The following SH3GL3 variants were observed in gnomAD, a reference collection of about 807,000 sequenced individuals.
The protein encoded by SH3GL3 is endophilin-A3.
A neutral mutation model predicts 47.7 loss-of-function variants in SH3GL3; 33 were observed. That is an observed-to-expected ratio of 0.69 (90% confidence interval 0.52 to 0.92). The LOEUF is 0.92. SH3GL3 is among the 40% of genes least tolerant of loss of function. The pLI is 0.00. For missense variants in SH3GL3, 363 were observed against 417.8 expected (o/e 0.87, Z 1.14); for synonymous variants, 155 against 148.8 (o/e 1.04, Z -0.30).
At chr15:83,499,820 A>G (rs2042224972) in intron 1 of SH3GL3, among the ~76,000 whole-genome samples, 1 of 152,240 alleles carries the variant, frequency 6.6e-6, no homozygotes, top group Admixed American at 6.5e-5. Context: ...CCTTAGAACA[A>G]ACAAATACAC....
chr15:83,515,914 A>G (rs57459550), intron 1 of SH3GL3, among the ~76,000 whole-genome samples: 2 of 152,260 alleles, frequency 1.3e-5, no homozygotes, highest in African/African-American at 2.4e-5. Context: ...CTGTAAAAAT[A>G]TCGTTATGTT....
At chr15:83,589,331 G>T (rs188788949) in intron 8 of SH3GL3, among the ~76,000 whole-genome samples, 1 of 152,156 alleles carries the variant, frequency 6.6e-6, no homozygotes, top group African/African-American at 2.4e-5. Flanking sequence ...ATCTATTGAG[G>T]TACATAAATA....
intron 1 of SH3GL3, among the ~76,000 whole-genome samples, chr15:83,551,289 A>G (rs2044656209): frequency 6.6e-6 from 1 of 152,216 alleles, no homozygotes; most frequent in Non-Finnish European, 1.5e-5. Context: ...TTTGCAGCAT[A>G]AATCTTCTTT....
At chr15:83,563,312 A>G (rs574303278) in intron 2 of SH3GL3, among the ~76,000 whole-genome samples, 245 of 151,702 alleles carry the variant, frequency 1.6e-3, no homozygotes, top group Non-Finnish European at 2.1e-3. Flanking sequence ...GTTGATTTCC[A>G]TTTTCAATAT....
intron 1 of SH3GL3, among the ~76,000 whole-genome samples, chr15:83,516,718 A>G (rs1404999474): frequency 6.6e-6 from 1 of 152,104 alleles, no homozygotes; most frequent in Non-Finnish European, 1.5e-5. Flanking sequence ...CCTCATGATC[A>G]AACACCTCCC....
At chr15:83,522,810 A>G (rs1408697312) in intron 1 of SH3GL3, among the ~76,000 whole-genome samples, 1 of 152,230 alleles carries the variant, frequency 6.6e-6, no homozygotes, top group African/African-American at 2.4e-5. Flanking sequence ...ACTATAGGAA[A>G]AAGTCTGTGT....
At chr15:83,470,576 C>G (rs1382115058) in intron 1 of SH3GL3, among the ~76,000 whole-genome samples, 4 of 152,148 alleles carry the variant, frequency 2.6e-5, no homozygotes, top group Non-Finnish European at 4.4e-5. Context: ...GCTTTTTAAT[C>G]TACTCTACCT....
intron 1 of SH3GL3, among the ~76,000 whole-genome samples, chr15:83,461,840 T>C (rs1596020009): frequency 6.6e-6 from 1 of 152,192 alleles, no homozygotes; most frequent in East Asian, 1.9e-4. Context: ...ACTGTACTTA[T>C]GTAAATACTC....
chr15:83,558,098 G>A (rs1436229656), intron 1 of SH3GL3, among the ~76,000 whole-genome samples: 1 of 152,116 alleles, frequency 6.6e-6, no homozygotes. Context: ...CCTTACTGTG[G>A]ATTTGCATAT....
chr15:83,470,286 G>A (rs148183383), intron 1 of SH3GL3, among the ~76,000 whole-genome samples: 1,762 of 152,234 alleles, frequency 0.012, 16 homozygotes, highest in Non-Finnish European at 0.015. Flanking sequence ...GCACAGCGGC[G>A]TGATCTCAGC....
chr15:83,625,195 C>T, the SH3GL3 span, among the ~76,000 whole-genome samples: 1 of 152,140 alleles, frequency 6.6e-6, no homozygotes, highest in Non-Finnish European at 1.5e-5. Context: ...GTGTTATTTA[C>T]TTTATATGCA....
chr15:83,472,627 A>G (rs2040883011), intron 1 of SH3GL3, among the ~76,000 whole-genome samples: 1 of 151,884 alleles, frequency 6.6e-6, no homozygotes, highest in African/African-American at 2.4e-5. Context: ...TAGCATCTTC[A>G]CAGTGGCTTC....
At chr15:83,562,032 C>CACACACACACACA (rs2080405795) in intron 2 of SH3GL3, among the ~76,000 whole-genome samples, 3 of 16,462 alleles carry the variant, frequency 1.8e-4, no homozygotes, top group Non-Finnish European at 5.1e-4. Context: ...ACACACACAA[C>CACACACACACACA]ACACACACAC....
At chr15:83,583,989 G>A (rs759178780) in intron 6 of SH3GL3, among the ~76,000 whole-genome samples, 27 of 152,148 alleles carry the variant, frequency 1.8e-4, no homozygotes, top group Admixed American at 1.8e-3. Context: ...AAGCAGCTCT[G>A]TATCAGTTTC....
At chr15:83,541,101 T>C (rs2044131235) in intron 1 of SH3GL3, among the ~76,000 whole-genome samples, 1 of 152,148 alleles carries the variant, frequency 6.6e-6, no homozygotes, top group South Asian at 2.1e-4. Context: ...ATCTGTGTTG[T>C]TGCAAATGAC....
intron 1 of SH3GL3, among the ~76,000 whole-genome samples, chr15:83,471,089 T>C (rs1183650442): frequency 6.6e-6 from 1 of 152,202 alleles, no homozygotes; most frequent in Non-Finnish European, 1.5e-5. Flanking sequence ...ATCATGTACT[T>C]TTTTCTTTTC....
intron 1 of SH3GL3, among the ~76,000 whole-genome samples, chr15:83,546,716 A>T (rs1373764077): frequency 6.6e-6 from 1 of 150,756 alleles, no homozygotes; most frequent in Non-Finnish European, 1.5e-5. Flanking sequence ...GTGTTTATTC[A>T]AGGCCCAGGG....
chr15:83,523,906 A>G (rs2043306461), intron 1 of SH3GL3, among the ~76,000 whole-genome samples: 1 of 150,690 alleles, frequency 6.6e-6, no homozygotes, highest in Non-Finnish European at 1.5e-5. Context: ...AAATCCTCCA[A>G]AAGAGTGAAT....
chr15:83,628,479 A>G, the SH3GL3 span, among the ~76,000 whole-genome samples: 5 of 152,212 alleles, frequency 3.3e-5, no homozygotes, highest in African/African-American at 1.2e-4. Flanking sequence ...GTGGTGGCTC[A>G]CACCTGTAAT....
Sources: allele counts gnomAD v4.1 joint callset (sites outside exome capture counted in the v4.1 genomes callset), GRCh38; gene constraint gnomAD v4.1.1; transcripts MANE v1.5; gene names NCBI Gene and HGNC (gene_info 2026-07-23, HGNC 2026-07-21).